Variants in FSHR observed in about 807,000 individuals in gnomAD.
FSHR encodes the protein follicle stimulating hormone receptor.
A neutral mutation model predicts 52.1 loss-of-function variants in FSHR; 46 were observed. The ratio of observed to expected loss-of-function variants is 0.88; its 90% CI spans 0.70 to 1.13. The LOEUF (loss-of-function observed/expected upper bound fraction) is 1.13, where lower values mean the gene tolerates loss of function less well. Ranked by LOEUF, FSHR falls within the 50% of genes most tolerant of loss-of-function variation. FSHR has a pLI of 0.00. For missense variants in FSHR, 964 were observed against 834.6 expected (o/e 1.16, Z -1.91); for synonymous variants, 399 against 309.6 (o/e 1.29, Z -3.03).
intron 1 of FSHR, among the ~76,000 whole-genome samples, chr2:49,069,937 G>A (rs1274970250): frequency 6.6e-6 from 1 of 152,148 alleles, no homozygotes; most frequent in African/African-American, 2.4e-5. Context: ...ATATATTGGT[G>A]TTAGTGAAAT....
intron 1 of FSHR, among the ~76,000 whole-genome samples, chr2:49,073,356 T>C (rs1444085666): frequency 6.6e-6 from 1 of 151,986 alleles, no homozygotes; most frequent in Non-Finnish European, 1.5e-5. Flanking sequence ...ATGAATTAAG[T>C]AAAGTTGTGG....
intron 1 of FSHR, among the ~76,000 whole-genome samples, chr2:49,122,579 C>T (rs1441489481): frequency 6.6e-6 from 1 of 152,142 alleles, no homozygotes; most frequent in Admixed American, 6.5e-5. Context: ...ACCATAATGG[C>T]CTGCATTCTG....
intron 1 of FSHR, among the ~76,000 whole-genome samples, chr2:49,083,677 A>G (rs1353243870): frequency 2.0e-5 from 3 of 150,054 alleles, no homozygotes; most frequent in Non-Finnish European, 3.0e-5. Flanking sequence ...AAAACAAAAA[A>G]AGGCAGGGGT....
chr2:49,130,372 T>G (rs1004439175), intron 1 of FSHR, among the ~76,000 whole-genome samples: 3 of 152,194 alleles, frequency 2.0e-5, no homozygotes, highest in African/African-American at 7.2e-5. Flanking sequence ...GTGTCCTCAA[T>G]AGCCAGGAAG....
At chr2:49,019,698 G>T (rs1667621872) in intron 3 of FSHR, among the ~76,000 whole-genome samples, 1 of 152,218 alleles carries the variant, frequency 6.6e-6, no homozygotes, top group Non-Finnish European at 1.5e-5. Context: ...AGGTTTCATG[G>T]TGAATATATG....
chr2:49,128,252 C>G (rs2103803302), intron 1 of FSHR, among the ~76,000 whole-genome samples: 1 of 152,116 alleles, frequency 6.6e-6, no homozygotes, highest in Non-Finnish European at 1.5e-5. Flanking sequence ...TCAGTGCATA[C>G]TGAACAGACA....
At chr2:49,067,601 A>G (rs1669555848) in intron 2 of FSHR, among the ~76,000 whole-genome samples, 1 of 152,052 alleles carries the variant, frequency 6.6e-6, no homozygotes, top group African/African-American at 2.4e-5. Context: ...TAAGTATAGG[A>G]GGATTTGCTC....
intron 9 of FSHR, among the ~76,000 whole-genome samples, chr2:48,966,407 T>C (rs1039842891): frequency 3.9e-5 from 6 of 152,186 alleles, no homozygotes; most frequent in African/African-American, 1.4e-4. Context: ...AGCAAAGTAA[T>C]GCAAAATGAA....
rs750383167 is a variant in FSHR at position 48,983,178 on chromosome 2, G to T, written c.525-12C>A. The stretch of plus-strand genomic sequence containing the variant: ...TCTTATTCAGCCATCTGAAATAAAA[G>T]GCCTATTAAAAAACCAATAATGTCA... On this transcript the variant is annotated splice_polypyrimidine_tract_variant and intron_variant, in intron 6 of 9. Transcript: ENST00000406846. 6 of 1,613,282 alleles carry T rather than the reference G, an allele frequency of 3.7e-6. No homozygotes were observed. The highest frequency in any genetic ancestry group is 5.1e-6 in the Non-Finnish European group (6 of 1,179,394).
chr2:49,012,975 A>AT (rs1405126877), intron 4 of FSHR, among the ~76,000 whole-genome samples: 1 of 152,116 alleles, frequency 6.6e-6, no homozygotes, highest in African/African-American at 2.4e-5. Flanking sequence ...TTAAGGTTAA[A>AT]TGAGGTCATA....
intron 1 of FSHR, among the ~76,000 whole-genome samples, chr2:49,113,684 A>T (rs541106127): frequency 2.0e-5 from 3 of 152,168 alleles, no homozygotes; most frequent in Non-Finnish European, 4.4e-5. Flanking sequence ...GAATAATCCT[A>T]TTAGAGACGT....
At position 48,963,496 on chromosome 2, in the gene FSHR, C is replaced by G; in HGVS notation, c.1325G>C (p.Cys442Ser). Reference sequence around the variant, plus strand: ...GACAGTGAAAAAGCCAGCAGCATCACAGCCTGCCCCAGTTTGCCAGTCAAT... The same window carrying G: ...GACAGTGAAAAAGCCAGCAGCATCAGAGCCTGCCCCAGTTTGCCAGTCAAT... ...YAIDWQTGAG[C>S]DAAGFFTVFA... Residue 442 changes from cysteine to serine, a missense_variant, in exon 10 of 10, where the codon TGT becomes TCT. Coordinates refer to ENST00000406846, the MANE Select transcript of FSHR (RefSeq NM_000145.4). 6.2e-7 allele frequency: 1 copy of G among 1,614,208 alleles called. No homozygotes were observed. The highest frequency in any genetic ancestry group is 8.5e-7 in the Non-Finnish European group (1 of 1,180,012).
rs142447649 is a variant in FSHR at position 49,088,867 on chromosome 2, A to G, written c.153-20577T>C. Reference sequence around the variant, plus strand: ...CCAAAAAGATAAATTTAGGTCTTTCATAATGCACTTAAAACTAATTTCTGT... The same window carrying G: ...CCAAAAAGATAAATTTAGGTCTTTCGTAATGCACTTAAAACTAATTTCTGT... On this transcript the variant is annotated intron_variant, in intron 1 of 9. Coordinates refer to ENST00000406846, the MANE Select transcript of FSHR (RefSeq NM_000145.4). Among the ~76,000 whole-genome samples the G allele has an allele frequency of 3.2e-3, 480 of 152,334 alleles. 3 individuals are homozygous for G. The highest frequency in any genetic ancestry group is 0.011 in the African/African-American group (455 of 41,580).
intron 1 of FSHR, among the ~76,000 whole-genome samples, chr2:49,117,485 A>G (rs1432372888): frequency 6.6e-6 from 1 of 152,222 alleles, no homozygotes; most frequent in Admixed American, 6.5e-5. Flanking sequence ...CTTTTCTGGA[A>G]TTCAATCTGA....
rs1672064660 is a variant in FSHR, at chr2:49,127,753, T to TCTC, written c.152+26512_152+26513insGAG. Among the ~76,000 whole-genome samples, 2 of 12,458 alleles carry TCTC rather than the reference T, an allele frequency of 1.6e-4. 1 individual carries two copies. The highest frequency in any genetic ancestry group is 6.8e-3 in the South Asian group (2 of 292). 8.2% of individuals were successfully genotyped at this position (12,458 alleles called of 152,430 possible). A position where few individuals can be genotyped will look rare whatever the true frequency, so the allele number is the denominator to read the frequency against. On this transcript the variant is annotated intron_variant, in intron 1 of 9. Transcript: ENST00000406846. ...TTGTGCATGATTTCTTCTTCTTCTT[T>TCTC]CTTCTTCTTCTTCTTCTTCTTCTTC...
chr2:49,100,787 C>G lies in FSHR; in HGVS notation c.153-32497G>C, dbSNP rs145729544. Among the ~76,000 whole-genome samples, 10 of 152,238 alleles carry G rather than the reference C, an allele frequency of 6.6e-5. No individual in the cohort carries two copies. In the East Asian group the frequency reaches 1.9e-3, roughly 29 times the overall value. On this transcript the variant is annotated intron_variant, in intron 1 of 9. Transcript: ENST00000406846. ...TTATTCTAGGTTTCTATCACTTGTA[C>G]CTGAAGGCAATTCCAACTGATACAT...
At chr2:49,068,366 G>A (rs1041584379) in intron 1 of FSHR, 76 bp from the exon 2 acceptor site, 4 of 1,227,542 alleles carry the variant, frequency 3.3e-6, no homozygotes, top group Admixed American at 3.4e-5. Context: ...ATTCATATCA[G>A]CAAACAGTTA....
intron 4 of FSHR, among the ~76,000 whole-genome samples, chr2:48,999,734 A>G (rs1676173786): frequency 1.3e-5 from 2 of 152,150 alleles, no homozygotes; most frequent in Admixed American, 1.3e-4. Context: ...AGGTTAATTA[A>G]GCAGCTTGTT....
At chr2:49,017,468 C>G (rs776814907) in intron 4 of FSHR, 21 bp downstream of exon 4, 2 of 1,585,368 alleles carry the variant, frequency 1.3e-6, no homozygotes, top group Middle Eastern at 1.7e-4. Flanking sequence ...AGTGGGGGTA[C>G]CAAACTACAT....
Sources: gnomAD v4.1 joint callset for allele counts (sites outside exome capture counted in the v4.1 genomes callset) on GRCh38, gnomAD v4.1.1 for gene constraint, MANE v1.5 for transcripts, NCBI Gene and HGNC (gene_info 2026-07-23, HGNC 2026-07-21) for gene names.